The following CRYBG1 variants were observed in gnomAD, a reference collection of about 807,000 sequenced individuals.
CRYBG1 encodes the protein crystallin beta-gamma domain containing 1.
Under a neutral mutation model 189.2 loss-of-function variants are expected in CRYBG1, and 139 were observed. That is an observed-to-expected ratio of 0.73 (90% CI 0.64 to 0.85). The LOEUF is 0.85. Ranked by LOEUF, CRYBG1 falls within the 40% of genes least tolerant of loss-of-function variation. The pLI is 0.00. For synonymous variants in CRYBG1, 1,023 were observed against 1,017.1 expected (o/e 1.01, Z -0.11); for missense variants, 2,611 against 2,675.8 (o/e 0.98, Z 0.53).
chr6:106,512,869 C>T lies in CRYBG1; in HGVS notation c.1752C>T (p.Pro584=), dbSNP rs926597375. Reference sequence around the variant, plus strand: ...GCTCGCTGCTGCCGGAGATCAAGCCCGAGCACAAGAGGGGCCCGCTCCCCA... The same window carrying T: ...GCTCGCTGCTGCCGGAGATCAAGCCTGAGCACAAGAGGGGCCCGCTCCCCA... ...KSSSLLPEIK[P]EHKRGPLPNH... The change falls in exon 3 of 22, where the codon CCC becomes CCT. Residue 584 remains proline (P), a synonymous_variant. Coordinates refer to ENST00000633556, the MANE Select transcript of CRYBG1 (RefSeq NM_001371242.2). 2 of 1,592,518 alleles carry T rather than the reference C, an allele frequency of 1.3e-6. No individual in the cohort carries two copies. The highest frequency in any genetic ancestry group is 1.7e-6 in the Non-Finnish European group (2 of 1,169,848).
chr6:106,494,995 C>T (rs1044424646), intron 2 of CRYBG1, among the ~76,000 whole-genome samples: 1 of 152,172 alleles, frequency 6.6e-6, no homozygotes, highest in African/African-American at 2.4e-5. Flanking sequence ...TACCTATAAT[C>T]CTATAATCAG....
intron 2 of CRYBG1, among the ~76,000 whole-genome samples, chr6:106,488,624 T>C (rs1454838329): frequency 6.6e-6 from 1 of 151,936 alleles, no homozygotes; most frequent in Non-Finnish European, 1.5e-5. Flanking sequence ...TCTGGTGGGG[T>C]GGGCTGACTT....
intron 2 of CRYBG1, among the ~76,000 whole-genome samples, chr6:106,456,331 T>C (rs1254846799): frequency 6.6e-6 from 1 of 151,914 alleles, no homozygotes; most frequent in Non-Finnish European, 1.5e-5. Context: ...TTTTTTTTTT[T>C]TTGTATTTTT....
intron 1 of CRYBG1, among the ~76,000 whole-genome samples, chr6:106,425,725 AG>A (rs1277808762): frequency 6.6e-6 from 1 of 152,088 alleles, no homozygotes; most frequent in East Asian, 1.9e-4. Context: ...TCCGCCTCCC[AG>A]GTTCAAGCAA....
intron 13 of CRYBG1, among the ~76,000 whole-genome samples, chr6:106,546,098 C>T (rs1270709619): frequency 3.9e-5 from 6 of 152,162 alleles, no homozygotes; most frequent in Admixed American, 1.3e-4. Context: ...GCCACAGAGA[C>T]GGCCATGTCT....
chr6:106,558,959 T>C (rs1274679765), intron 18 of CRYBG1, among the ~76,000 whole-genome samples: 2 of 151,738 alleles, frequency 1.3e-5, no homozygotes, highest in African/African-American at 2.4e-5. Flanking sequence ...CAAGACCCTA[T>C]CTTAATTTAA....
At chr6:106,509,216 A>C (rs1322072047) in intron 2 of CRYBG1, among the ~76,000 whole-genome samples, 1 of 152,212 alleles carries the variant, frequency 6.6e-6, no homozygotes, top group African/African-American at 2.4e-5. Context: ...CGGGCACTAA[A>C]AAAAGACTAC....
In CRYBG1 at chr6:106,386,037, G is replaced by T. The variant is rs138804789; in HGVS notation, c.173+24956G>T. ...TCCAAAGGCTCATCTTTTAATGCAG[G>T]GTACTTGGTCTCCACGTGGCGAAGC... On this transcript the variant is annotated intron_variant, in intron 1 of 21. Transcript: ENST00000633556. Among the ~76,000 whole-genome samples the T allele has an allele frequency of 6.0e-3, 920 of 152,256 alleles. 13 individuals carry two copies. The highest frequency in any genetic ancestry group is 0.021 in the African/African-American group (874 of 41,534).
rs146033137 is a variant in CRYBG1, at chr6:106,521,391, T to C, written c.4183T>C (p.Phe1395Leu). ...ANSDTDFMGL[F>L]KSSRYDPSIS... ...CAGTGACACCGACTTCATGGGTCTT[T>C]TCAAATCAAGCCGGTATGACCCAAG... Residue 1395 changes from phenylalanine to leucine, a missense_variant, in exon 4 of 22, where the codon TTC (phenylalanine) becomes CTC (leucine). By Grantham distance (22) the Phe-to-Leu change is conservative. Around this residue, in one of 3 missense-constraint regions of CRYBG1, gnomAD observed 1,622 missense variants for 1,735.0 expected, o/e 0.93. Transcript: ENST00000633556. 1,975 of 1,612,132 alleles carry C rather than the reference T, an allele frequency of 1.2e-3. 1 individual carries two copies. The highest frequency in any genetic ancestry group is 1.3e-3 in the Non-Finnish European group (1,567 of 1,179,514).
At chr6:106,564,473 T>G (rs1774819620) in intron 21 of CRYBG1, among the ~76,000 whole-genome samples, 1 of 151,936 alleles carries the variant, frequency 6.6e-6, no homozygotes, top group Non-Finnish European at 1.5e-5. Flanking sequence ...TAATAGGGAG[T>G]GAACTGATGG....
chr6:106,533,564 A>T (rs13194254), intron 8 of CRYBG1, among the ~76,000 whole-genome samples: 1 of 151,966 alleles, frequency 6.6e-6, no homozygotes, highest in African/African-American at 2.4e-5. Context: ...AGCCAAGAAG[A>T]GATGGTGGCT....
intron 1 of CRYBG1, among the ~76,000 whole-genome samples, chr6:106,370,121 A>G (rs1769988040): frequency 6.6e-6 from 1 of 152,278 alleles, no homozygotes; most frequent in Non-Finnish European, 1.5e-5. Context: ...AATAGTGGAA[A>G]GAAATATGTT....
chr6:106,516,862 C>T (rs1353306566), intron 3 of CRYBG1, among the ~76,000 whole-genome samples: 2 of 152,110 alleles, frequency 1.3e-5, no homozygotes, highest in Non-Finnish European at 2.9e-5. Flanking sequence ...ACTTCAACTT[C>T]CTCAGCCAAA....
chr6:106,465,208 C>T (rs116436647), intron 2 of CRYBG1, among the ~76,000 whole-genome samples: 2,364 of 152,190 alleles, frequency 0.016, 44 homozygotes, highest in African/African-American at 0.053. Flanking sequence ...CTCTCCAGGG[C>T]GGGGAACTAA....
intron 4 of CRYBG1, 127 bp from the exon 5 acceptor site, chr6:106,525,006 G>A: frequency 1.1e-6 from 1 of 895,480 alleles, no homozygotes; most frequent in Non-Finnish European, 1.8e-6. Context: ...GCATCCATTA[G>A]AGTGGAGGTT....
At chr6:106,446,511 A>C (rs1167308285) in intron 1 of CRYBG1, among the ~76,000 whole-genome samples, 2 of 152,234 alleles carry the variant, frequency 1.3e-5, no homozygotes, top group African/African-American at 2.4e-5. Flanking sequence ...TATAAACTAT[A>C]GTTAAACCTA....
chr6:106,427,126 TTCTC>T (rs1421045849), intron 1 of CRYBG1, among the ~76,000 whole-genome samples: 1 of 152,146 alleles, frequency 6.6e-6, no homozygotes, highest in Non-Finnish European at 1.5e-5. Context: ...TGGAGCTCCT[TTCTC>T]TCTGCATTTA....
intron 1 of CRYBG1, among the ~76,000 whole-genome samples, chr6:106,405,378 C>T (rs996829528): frequency 6.6e-6 from 1 of 152,220 alleles, no homozygotes; most frequent in African/African-American, 2.4e-5. Context: ...AAGGCAGCAG[C>T]CCCAGTCAGG....
chr6:106,499,851 A>G (rs1772962713), intron 2 of CRYBG1, among the ~76,000 whole-genome samples: 2 of 152,296 alleles, frequency 1.3e-5, no homozygotes, highest in African/African-American at 4.8e-5. Context: ...TCTGGTAACC[A>G]CTATTCTACT....
Sources: allele counts gnomAD v4.1 joint callset (sites outside exome capture counted in the v4.1 genomes callset), GRCh38; gene constraint gnomAD v4.1.1; regional missense constraint gnomAD v4.1.1; transcripts MANE v1.5; gene names NCBI Gene and HGNC (gene_info 2026-07-23, HGNC 2026-07-21).